Variants in PSME3IP1 observed in about 807,000 individuals in gnomAD.
PSME3IP1 encodes the protein proteasome activator subunit 3 interacting protein 1.
A neutral mutation model predicts 34.1 loss-of-function variants in PSME3IP1; 13 were observed. The observed-to-expected ratio is 0.38, with a 90% CI of 0.25 to 0.61. The LOEUF (loss-of-function observed/expected upper bound fraction) is 0.61. PSME3IP1 is among the 20% of genes least tolerant of loss of function. The probability of loss-of-function intolerance (pLI) is 0.60; values close to 1 mark genes in which losing one functional copy is unlikely to be tolerated. For missense variants in PSME3IP1, 237 were observed against 301.4 expected, an observed-to-expected ratio of 0.79 and a Z score of 1.58; for synonymous variants, 93 against 114.3, an observed-to-expected ratio of 0.81 and a Z score of 1.19.
At chr16:57,166,080 T>C (rs1262360774) in intron 5 of PSME3IP1, among the ~76,000 whole-genome samples, 2 of 152,234 alleles carry the variant, frequency 1.3e-5, no homozygotes, top group African/African-American at 2.4e-5. Context: ...TCTGTTGCTA[T>C]ACCAGCATGA....
chr16:57,164,743 G>A (rs1275110657), intron 5 of PSME3IP1, among the ~76,000 whole-genome samples: 2 of 152,160 alleles, frequency 1.3e-5, no homozygotes, highest in African/African-American at 4.8e-5. Flanking sequence ...TAAGACTTAT[G>A]TGGGAGGCCC....
intron 1 of PSME3IP1, chr16:57,175,787 G>A (rs1383115626): frequency 5.9e-5 from 9 of 152,074 alleles, no homozygotes; most frequent in Non-Finnish European, 1.0e-4. Flanking sequence ...AAGACATGTC[G>A]ACTTCAGCTT....
At chr16:57,158,643 T>C (rs879771988) in intron 6 of PSME3IP1, among the ~76,000 whole-genome samples, 1 of 152,210 alleles carries the variant, frequency 6.6e-6, no homozygotes, top group Non-Finnish European at 1.5e-5. Context: ...ATAGATCAGT[T>C]ACCTAGAAAA....
intron 4 of PSME3IP1, among the ~76,000 whole-genome samples, chr16:57,169,739 A>C (rs967656122): frequency 2.0e-5 from 3 of 152,248 alleles, no homozygotes; most frequent in Non-Finnish European, 2.9e-5. Context: ...GTCTACCAAA[A>C]TAAAACATAA....
chr16:57,185,590 GGCCC>G (rs2074103888), intron 1 of PSME3IP1: 1 of 985,400 alleles, frequency 1.0e-6, no homozygotes, highest in South Asian at 4.7e-5. Context: ...GGCAGTGTTG[GGCCC>G]GCCTGAAAGG....
chr16:57,167,029 T>C, intron 5 of PSME3IP1, 64 bp downstream of exon 5: 2 of 1,590,552 alleles, frequency 1.3e-6, no homozygotes, highest in African/African-American at 1.3e-5. Flanking sequence ...CTGGCTTCCA[T>C]TACAAGTGGT....
Position 57,154,021 on chromosome 16 carries a change from C to T in PSME3IP1, c.*269G>A, listed in dbSNP as rs1252737093. 15 of 405,308 alleles carry T rather than the reference C, an allele frequency of 3.7e-5. No individual in the cohort carries two copies. The highest frequency in any genetic ancestry group is 8.3e-5 in the Admixed American group (2 of 24,118). The allele number at this position is 405,308 out of a possible 1,614,324, so 25.1% of individuals were successfully genotyped here. A position where few individuals can be genotyped will look rare whatever the true frequency, so the allele number is the denominator to read the frequency against. On this transcript the variant is annotated 3_prime_UTR_variant, in exon 7 of 7. Coordinates refer to ENST00000309137, the MANE Select transcript of PSME3IP1 (RefSeq NM_024946.4). The surrounding 1 kb of genome is among the most constrained non-coding windows in gnomAD (Gnocchi z 4.0). ...TCCTGGGGCATTTTTAGTGGAACTT[C>T]GGCTGGGCCTTGCCCTCCTCCCAAT...
intron 1 of PSME3IP1, among the ~76,000 whole-genome samples, chr16:57,180,561 C>A (rs1219142679): frequency 6.6e-6 from 1 of 151,212 alleles, no homozygotes; most frequent in Non-Finnish European, 1.5e-5. Flanking sequence ...CGCTGCACTC[C>A]AGCCTGGGCA....
intron 6 of PSME3IP1, among the ~76,000 whole-genome samples, chr16:57,161,716 G>A (rs1246772773): frequency 6.6e-6 from 1 of 151,972 alleles, no homozygotes; most frequent in Non-Finnish European, 1.5e-5. Context: ...GTTTCACCGT[G>A]TTAGCCAGGA....
upstream of PSME3IP1, chr16:57,186,066 T>C: frequency 2.0e-6 from 2 of 985,434 alleles, no homozygotes; most frequent in Non-Finnish European, 2.4e-6. Context: ...TCCGGCGACG[T>C]AACCCAATCC....
In PSME3IP1 at chr16:57,154,310, T is replaced by C. The variant is rs1393603140; in HGVS notation, c.745A>G (p.Thr249Ala). 2 of 1,613,382 alleles carry C rather than the reference T, an allele frequency of 1.2e-6. No individual in the cohort carries two copies. The highest frequency in any genetic ancestry group is 3.3e-5 in the Admixed American group (2 of 59,966). ...AGAAACTAGGGGGCCTCGAGGAAGG[T>C]GTTGGTTCGGAAGATGGAGGAGACA... ...KIVSSIFRTN[T>A]FLEAP The change falls in exon 7 of 7, where the codon ACC (threonine) becomes GCC (alanine). Residue 249 changes from threonine to alanine, a missense_variant. By Grantham distance (58) the Thr-to-Ala change is moderately conservative. Transcript: ENST00000309137. This position sits in a 1 kb window ranked among gnomAD's most constrained non-coding sequence, Gnocchi z 4.0.
chr16:57,172,668 G>A (rs1757063084), intron 3 of PSME3IP1, 108 bp downstream of exon 3: 6 of 934,714 alleles, frequency 6.4e-6, no homozygotes, highest in South Asian at 4.1e-5. Context: ...CCGGAGACTC[G>A]AAAATCAAGA....
chr16:57,162,494 G>A (rs1356409662), intron 6 of PSME3IP1, among the ~76,000 whole-genome samples: 5 of 151,662 alleles, frequency 3.3e-5, no homozygotes, highest in South Asian at 2.1e-4. Context: ...GCGAAATCCC[G>A]TCTCTACTAA....
chr16:57,161,237 C>T (rs1185132080), intron 6 of PSME3IP1, among the ~76,000 whole-genome samples: 4 of 152,174 alleles, frequency 2.6e-5, no homozygotes, highest in African/African-American at 7.2e-5. Context: ...AGTTGGAAGA[C>T]TCACACTTCC....
At chr16:57,156,622 A>G (rs1401216924) in intron 6 of PSME3IP1, among the ~76,000 whole-genome samples, 6 of 152,236 alleles carry the variant, frequency 3.9e-5, no homozygotes, top group African/African-American at 1.4e-4. Flanking sequence ...AGATAGAGCA[A>G]GGCTACAAAA....
chr16:57,179,510 T>C (rs1365514439), intron 1 of PSME3IP1, among the ~76,000 whole-genome samples: 2 of 152,198 alleles, frequency 1.3e-5, no homozygotes, highest in Non-Finnish European at 2.9e-5. Flanking sequence ...TGTTTTAAAA[T>C]ACAAAACTTA....
intron 6 of PSME3IP1, among the ~76,000 whole-genome samples, chr16:57,156,325 C>T (rs1327194850): frequency 6.6e-6 from 1 of 152,178 alleles, no homozygotes; most frequent in Non-Finnish European, 1.5e-5. Context: ...AAGCATACTA[C>T]CTTCTAGGGT....
chr16:57,179,137 A>G (rs1200606421), intron 1 of PSME3IP1, among the ~76,000 whole-genome samples: 1 of 152,090 alleles, frequency 6.6e-6, no homozygotes, highest in Non-Finnish European at 1.5e-5. Context: ...CCACTTTAGA[A>G]AGAGTAAACA....
intron 2 of PSME3IP1, among the ~76,000 whole-genome samples, chr16:57,173,494 T>C (rs1240349531): frequency 7.2e-5 from 11 of 152,136 alleles, no homozygotes; most frequent in Non-Finnish European, 4.4e-5. Flanking sequence ...CCAGGCGTGG[T>C]GGCTGGTGCC....
Sources: gnomAD v4.1 joint callset for allele counts (sites outside exome capture counted in the v4.1 genomes callset) on GRCh38, gnomAD v4.1.1 for gene constraint, Gnocchi (gnomAD v3.1) non-coding constraint, MANE v1.5 for transcripts, NCBI Gene and HGNC (gene_info 2026-07-23, HGNC 2026-07-21) for gene names.